RIOK3: variants seen among roughly 807,000 people sequenced by gnomAD.
RIOK3 encodes serine/threonine-protein kinase RIO3.
Under a neutral mutation model 63.5 loss-of-function variants are expected in RIOK3, and 40 were observed. The observed-to-expected ratio is 0.63, with a 90% CI of 0.49 to 0.82. RIOK3 has a LOEUF of 0.82. RIOK3 is among the 40% of genes least tolerant of loss of function. The pLI is 0.00. For missense variants in RIOK3, 557 were observed against 637.0 expected (o/e 0.87, Z 1.35); for synonymous variants, 193 against 205.0 (o/e 0.94, Z 0.50).
chr18:23,457,840 G>A (rs577298370), intron 1 of RIOK3, among the ~76,000 whole-genome samples: 5 of 151,840 alleles, frequency 3.3e-5, no homozygotes, highest in South Asian at 2.1e-4. Context: ...CTCTTGACTC[G>A]CTTCCAGTAG....
At position 23,464,189 on chromosome 18, in the gene RIOK3, T is replaced by G. The variant is rs778539458; in HGVS notation, c.326-17T>G. 6.2e-7 allele frequency: 1 copy of G among 1,610,712 alleles called. No homozygotes were observed. The highest frequency in any genetic ancestry group is 2.2e-5 in the East Asian group (1 of 44,836). On this transcript the variant is annotated splice_polypyrimidine_tract_variant and intron_variant, in intron 3 of 12. Coordinates refer to ENST00000339486, the MANE Select transcript of RIOK3 (RefSeq NM_003831.5). ...ATGTGCTCCTAAGTAAATCTTCAAC[T>G]ATTTTTGCTTCTTAAGTTTCCATTT...
chr18:23,459,988 A>G (rs1311140925), intron 1 of RIOK3, among the ~76,000 whole-genome samples: 2 of 152,240 alleles, frequency 1.3e-5, no homozygotes, highest in Non-Finnish European at 2.9e-5. Flanking sequence ...GCCACTGCAC[A>G]CGGCCTGAGT....
chr18:23,474,835 A>G (rs1484100695), intron 8 of RIOK3, 113 bp from the exon 9 acceptor site: 1 of 730,714 alleles, frequency 1.4e-6, no homozygotes, highest in African/African-American at 1.8e-5. Flanking sequence ...CCACATCACC[A>G]GGGTAGAACA....
chr18:23,461,453 G>C (rs1356720228), intron 1 of RIOK3, among the ~76,000 whole-genome samples: 1 of 152,212 alleles, frequency 6.6e-6, no homozygotes, highest in Non-Finnish European at 1.5e-5. Flanking sequence ...AGAGCAGAAA[G>C]ATTCGTTAGG....
At position 23,479,304 on chromosome 18, in the gene RIOK3, A is replaced by G; in HGVS notation, c.1345-13A>G. On this transcript the variant is annotated splice_polypyrimidine_tract_variant and intron_variant, in intron 11 of 12. Transcript: ENST00000339486. ...TAATACTTCTTACTGACTTTCTTGT[A>G]TTTCCTTACTAGTTTTTCCAGAAAG... 1.3e-6 allele frequency: 2 copies of G among 1,518,586 alleles called. No individual in the cohort carries two copies. Among genetic ancestry groups the G allele is most frequent in the Non-Finnish European group, 1.8e-6 (2 of 1,093,276 alleles). The allele number at this position is 1,518,586 out of a possible 1,614,324, so 94.1% of individuals were successfully genotyped here. A position where few individuals can be genotyped will look rare whatever the true frequency, so the allele number is the denominator to read the frequency against.
intron 11 of RIOK3, among the ~76,000 whole-genome samples, chr18:23,477,924 T>C (rs1402067553): frequency 6.6e-6 from 1 of 150,996 alleles, no homozygotes; most frequent in East Asian, 1.9e-4. Context: ...ACAAAAAAAT[T>C]AGTTGGGTGC....
In RIOK3 at chr18:23,470,131, G is replaced by A. The variant is rs565085855; in HGVS notation, c.815+2605G>A. Among the ~76,000 whole-genome samples the A allele has an allele frequency of 1.9e-4, 29 of 152,230 alleles. No homozygotes were observed. The South Asian group carries it at 3.3e-3, about 17-fold the overall frequency. ...AAAAAAAGAAATCCGTTGGAGGACC[G>A]ATGGGGGCGGATCACGAGGTCAGGA... On this transcript the variant is annotated intron_variant, in intron 7 of 12. Transcript: ENST00000339486.
At position 23,478,260 on chromosome 18, in the gene RIOK3, C is replaced by T. The variant is rs143518106; in HGVS notation, c.1344+992C>T. Among the ~76,000 whole-genome samples the T allele has an allele frequency of 4.6e-5, 7 of 152,096 alleles. No individual in the cohort carries two copies. The East Asian group carries it at 1.2e-3, about 25-fold the overall frequency. On this transcript the variant is annotated intron_variant, in intron 11 of 12. Coordinates refer to ENST00000339486, the MANE Select transcript of RIOK3 (RefSeq NM_003831.5). ...GTGGGACAGTGTCTGATCACTGTCACTGTGAAGCATGGTAAGAAGATTAGG... is the reference window on the plus strand; with the variant it reads ...GTGGGACAGTGTCTGATCACTGTCATTGTGAAGCATGGTAAGAAGATTAGG...
intron 7 of RIOK3, among the ~76,000 whole-genome samples, chr18:23,469,229 G>A (rs1327909893): frequency 6.6e-6 from 1 of 151,256 alleles, no homozygotes; most frequent in Admixed American, 6.6e-5. Context: ...AGGGAAGGAG[G>A]TATTATACAG....
At position 23,473,418 on chromosome 18, in the gene RIOK3, C is replaced by T. The variant is rs1363435016; in HGVS notation, c.816-11C>T. Reference sequence around the variant, plus strand: ...AACTTGTACTGACTTGATTTTTTTTCTTCCACTTAGCATGGAGGATGAAAA... The same window carrying T: ...AACTTGTACTGACTTGATTTTTTTTTTTCCACTTAGCATGGAGGATGAAAA... On this transcript the variant is annotated splice_polypyrimidine_tract_variant and intron_variant, in intron 7 of 12. Transcript: ENST00000339486. The T allele has an allele frequency of 2.0e-5, 32 of 1,564,646 alleles. No homozygotes were observed. The highest frequency in any genetic ancestry group is 1.7e-4 in the Admixed American group (9 of 53,222).
intron 7 of RIOK3, among the ~76,000 whole-genome samples, chr18:23,472,188 G>A (rs2057460857): frequency 6.6e-6 from 1 of 151,750 alleles, no homozygotes; most frequent in Non-Finnish European, 1.5e-5. Flanking sequence ...AGCCAGGATT[G>A]CACCACTGTA....
At chr18:23,459,669 G>T (rs2057361840) in intron 1 of RIOK3, among the ~76,000 whole-genome samples, 1 of 152,126 alleles carries the variant, frequency 6.6e-6, no homozygotes, top group Non-Finnish European at 1.5e-5. Context: ...GGGAAAGTAT[G>T]CCATCTTTTT....
intron 7 of RIOK3, among the ~76,000 whole-genome samples, chr18:23,471,751 C>T (rs1172393997): frequency 6.6e-6 from 1 of 152,058 alleles, no homozygotes; most frequent in Non-Finnish European, 1.5e-5. Flanking sequence ...AGATTCTGGG[C>T]TAGAGCAGCT....
intron 7 of RIOK3, 66 bp from the exon 8 acceptor site, chr18:23,473,363 A>T: frequency 1.1e-6 from 1 of 944,274 alleles, no homozygotes; most frequent in Non-Finnish European, 1.6e-6. Context: ...CAGAATCTTT[A>T]TTTTGAAATT....
At position 23,477,235 on chromosome 18, in the gene RIOK3, G is replaced by C. The variant is rs768730352; in HGVS notation, c.1311G>C (p.Glu437Asp). 8 of 1,614,220 alleles carry C rather than the reference G, an allele frequency of 5.0e-6. No individual in the cohort carries two copies. The highest frequency in any genetic ancestry group is 5.9e-6 in the Non-Finnish European group (7 of 1,180,032). ...AACCTACCCACCCTCACGGCCTGGAGTTCTTGTTCCGGGACTGCAGGAATG... is the reference window on the plus strand; with the variant it reads ...AACCTACCCACCCTCACGGCCTGGACTTCTTGTTCCGGGACTGCAGGAATG... ...SVEPTHPHGL[E>D]FLFRDCRNVS... The change falls in exon 11 of 13, where the codon GAG becomes GAC. Residue 437 changes from glutamate to aspartate, a missense_variant. This residue lies in a region of RIOK3 where 309 missense variants were observed against 338.7 expected (regional missense o/e 0.91). Transcript: ENST00000339486.
chr18:23,480,271 T>C (rs1204470703), intron 12 of RIOK3, among the ~76,000 whole-genome samples: 1 of 152,162 alleles, frequency 6.6e-6, no homozygotes, highest in Non-Finnish European at 1.5e-5. Flanking sequence ...CCAGGATGAC[T>C]TGAGTTTGGG....
At chr18:23,464,405 T>G in intron 4 of RIOK3, 92 bp downstream of exon 4, 1 of 1,181,142 alleles carries the variant, frequency 8.5e-7, no homozygotes. Context: ...TATTTTTCTT[T>G]GAATCTCATT....
chr18:23,481,422 C>A lies in RIOK3; in HGVS notation c.*143C>A. ...GCTTTTCCCCCTTGTAACCCATGTGCCAGATGTGTGGAATTTTTAGCTCAG... is the reference window on the plus strand; with the variant it reads ...GCTTTTCCCCCTTGTAACCCATGTGACAGATGTGTGGAATTTTTAGCTCAG... On this transcript the variant is annotated 3_prime_UTR_variant, in exon 13 of 13. Transcript: ENST00000339486. 1 of 545,066 alleles carries A rather than the reference C, an allele frequency of 1.8e-6. No homozygotes were observed. The highest frequency in any genetic ancestry group is 2.7e-5 in the South Asian group (1 of 36,422). The allele number at this position is 545,066 out of a possible 1,614,324, so 33.8% of individuals were successfully genotyped here.
chr18:23,464,651 CT>C (rs778541578), intron 5 of RIOK3, 23 bp downstream of exon 5: 2 of 1,393,648 alleles, frequency 1.4e-6, no homozygotes, highest in Non-Finnish European at 2.0e-6. Context: ...AAGTATCTAT[CT>C]CTGAATTTAG....
Sources: allele counts gnomAD v4.1 joint callset (sites outside exome capture counted in the v4.1 genomes callset), GRCh38; gene constraint gnomAD v4.1.1; regional missense constraint gnomAD v4.1.1; transcripts MANE v1.5; gene names NCBI Gene and HGNC (gene_info 2026-07-23, HGNC 2026-07-21).